The following KHDRBS2 variants were observed in gnomAD, a reference collection of about 807,000 sequenced individuals.
KHDRBS2 encodes KH RNA binding domain containing, signal transduction associated 2.
In KHDRBS2, 26 loss-of-function variants were observed where a neutral mutation model predicts 44.3. The ratio of observed to expected loss-of-function variants is 0.59; its 90% CI spans 0.43 to 0.81. KHDRBS2 has a LOEUF of 0.81. Ranked by LOEUF, KHDRBS2 falls within the 40% of genes least tolerant of loss-of-function variation. The probability of loss-of-function intolerance (pLI) is 0.00; values close to 1 mark genes in which losing one functional copy is unlikely to be tolerated. For synonymous variants in KHDRBS2, 194 were observed against 151.1 expected, an observed-to-expected ratio of 1.28 and a Z score of -2.08; for missense variants, 476 against 433.1, an observed-to-expected ratio of 1.10 and a Z score of -0.88.
At chr6:61,954,836 G>A (rs376462247) in intron 4 of KHDRBS2, among the ~76,000 whole-genome samples, 5 of 30,080 alleles carry the variant, frequency 1.7e-4, no homozygotes, top group African/African-American at 4.6e-4. Context: ...ACATGCATAT[G>A]TATGTATACA....
the KHDRBS2 span, among the ~76,000 whole-genome samples, chr6:61,568,026 G>GTCTCT: frequency 4.2e-4 from 64 of 152,176 alleles, no homozygotes; most frequent in South Asian, 4.1e-4. Context: ...TATATAGAGA[G>GTCTCT]ATACAGGTCC....
At chr6:61,774,500 T>A (rs904357112) in intron 6 of KHDRBS2, among the ~76,000 whole-genome samples, 2 of 151,984 alleles carry the variant, frequency 1.3e-5, no homozygotes, top group African/African-American at 2.4e-5. Flanking sequence ...TATATACCAA[T>A]AACAGACAAA....
the KHDRBS2 span, among the ~76,000 whole-genome samples, chr6:61,636,945 ATATC>A: frequency 6.6e-6 from 1 of 152,112 alleles, no homozygotes; most frequent in Non-Finnish European, 1.5e-5. Flanking sequence ...GTGACATAGA[ATATC>A]TAGGTCACTA....
Position 61,680,984 on chromosome 6 carries a change from T to A in KHDRBS2, c.1029A>T (p.Glu343Asp), listed in dbSNP as rs1190669255. The change falls in exon 9 of 9, where the codon GAA becomes GAT. Residue 343 changes from glutamate to aspartate, a missense_variant. Physicochemically the swap from Glu to Asp is conservative, Grantham distance 45. Transcript: ENST00000281156. ...ACCTTCAATATCTACCATAGGGGTG[T>A]TCCCTGTATCCCCCTCTGGCTGACC... ...PQRSARGGYR[E>D]HPYGRY The A allele has an allele frequency of 6.2e-7, 1 of 1,605,326 alleles. No homozygotes were observed.
At chr6:62,195,685 G>C (rs1278529345) in intron 1 of KHDRBS2, among the ~76,000 whole-genome samples, 1 of 152,050 alleles carries the variant, frequency 6.6e-6, no homozygotes, top group Non-Finnish European at 1.5e-5. Flanking sequence ...TAAATCTTCA[G>C]TGAATGAATG....
chr6:61,921,990 T>C (rs1183424348), intron 4 of KHDRBS2, among the ~76,000 whole-genome samples: 1 of 99,882 alleles, frequency 1.0e-5, no homozygotes, highest in East Asian at 2.1e-4. Context: ...CAAGCCATCA[T>C]TTTTTTCTTT....
At chr6:62,044,024 A>G (rs1369784688) in intron 3 of KHDRBS2, among the ~76,000 whole-genome samples, 1 of 152,110 alleles carries the variant, frequency 6.6e-6, no homozygotes, top group Admixed American at 6.6e-5. Context: ...TATATAGCAT[A>G]ATATTGAATC....
chr6:62,272,305 A>G (rs563721671), intron 1 of KHDRBS2, among the ~76,000 whole-genome samples: 1 of 152,304 alleles, frequency 6.6e-6, no homozygotes, highest in South Asian at 2.1e-4. Flanking sequence ...CATTTCTCAG[A>G]ATAGATCTTT....
intron 4 of KHDRBS2, among the ~76,000 whole-genome samples, chr6:61,906,984 T>C (rs1404871633): frequency 1.3e-5 from 2 of 152,056 alleles, no homozygotes; most frequent in East Asian, 3.9e-4. Flanking sequence ...GGAACCTCCA[T>C]ACTGTTCTCC....
At chr6:62,170,714 C>T (rs1585046938) in intron 2 of KHDRBS2, among the ~76,000 whole-genome samples, 2 of 152,188 alleles carry the variant, frequency 1.3e-5, no homozygotes, top group East Asian at 1.9e-4. Context: ...CCCCATCAAA[C>T]AGTTGTGGCC....
At chr6:61,790,599 C>A (rs1435698678) in intron 6 of KHDRBS2, among the ~76,000 whole-genome samples, 1 of 151,470 alleles carries the variant, frequency 6.6e-6, no homozygotes, top group Non-Finnish European at 1.5e-5. Flanking sequence ...GATTTTAAAA[C>A]TAAATCACCT....
chr6:61,887,441 A>G (rs1801134346), intron 6 of KHDRBS2, among the ~76,000 whole-genome samples: 1 of 151,920 alleles, frequency 6.6e-6, no homozygotes, highest in Non-Finnish European at 1.5e-5. Context: ...AAGGTCAATG[A>G]AAAAAAGCTT....
the KHDRBS2 span, among the ~76,000 whole-genome samples, chr6:61,603,437 C>A: frequency 1.3e-5 from 2 of 152,192 alleles, no homozygotes; most frequent in African/African-American, 2.4e-5. Context: ...CCATCAGGCT[C>A]AGCAAATTAC....
intron 4 of KHDRBS2, among the ~76,000 whole-genome samples, chr6:61,944,853 G>A (rs938537350): frequency 4.0e-5 from 6 of 151,584 alleles, no homozygotes; most frequent in Non-Finnish European, 7.4e-5. Flanking sequence ...CACTTTGGGA[G>A]GCAGAGACAG....
intron 3 of KHDRBS2, among the ~76,000 whole-genome samples, chr6:62,028,022 T>G (rs1399556538): frequency 6.6e-6 from 1 of 152,050 alleles, no homozygotes; most frequent in Admixed American, 6.6e-5. Context: ...ACTTACCACT[T>G]CTGACTAGCC....
chr6:62,050,343 T>C (rs1788716370), intron 2 of KHDRBS2, among the ~76,000 whole-genome samples: 2 of 151,636 alleles, frequency 1.3e-5, no homozygotes, highest in African/African-American at 4.8e-5. Flanking sequence ...AGATGATGTG[T>C]TGACAGGTGC....
At position 61,680,454 on chromosome 6, in the gene KHDRBS2, T is replaced by G. The variant is rs1359619539; in HGVS notation, c.*509A>C. On this transcript the variant is annotated 3_prime_UTR_variant, in exon 9 of 9. Transcript: ENST00000281156. ...CATTAAAACAGCATTAAAATTAAAT[T>G]TACAAACTTAATATCAAACATCTTT... 1 of 151,874 alleles carries G rather than the reference T, an allele frequency of 6.6e-6. No individual in the cohort carries two copies. The allele number at this position is 151,874 out of a possible 1,614,324, so 9.4% of individuals were successfully genotyped here.
chr6:62,141,531 A>T (rs1401679676), intron 2 of KHDRBS2, among the ~76,000 whole-genome samples: 1 of 152,130 alleles, frequency 6.6e-6, no homozygotes, highest in Non-Finnish European at 1.5e-5. Context: ...GATGATTTCT[A>T]ATTTTTCATC....
chr6:61,925,047 C>T (rs1345155875), intron 4 of KHDRBS2, among the ~76,000 whole-genome samples: 1 of 152,042 alleles, frequency 6.6e-6, no homozygotes, highest in Admixed American at 6.6e-5. Context: ...CATTAATGAC[C>T]ATCTTTTTTA....
Sources: gnomAD v4.1 joint callset for allele counts (sites outside exome capture counted in the v4.1 genomes callset) on GRCh38, gnomAD v4.1.1 for gene constraint, MANE v1.5 for transcripts, NCBI Gene and HGNC (gene_info 2026-07-23, HGNC 2026-07-21) for gene names.